VAV2: variants seen among roughly 807,000 people sequenced by gnomAD.
VAV2 encodes guanine nucleotide exchange factor VAV2.
A neutral mutation model predicts 132.5 loss-of-function variants in VAV2; 67 were observed. The observed-to-expected ratio is 0.51, with a 90% CI of 0.42 to 0.62. The LOEUF is 0.62. VAV2 is among the 20% of genes least tolerant of loss of function. VAV2 has a pLI of 0.00. For missense variants in VAV2, 938 were observed against 1,153.6 expected, an observed-to-expected ratio of 0.81 and a Z score of 2.71; for synonymous variants, 492 against 443.5, an observed-to-expected ratio of 1.11 and a Z score of -1.37.
rs747942896 is a variant in VAV2 at position 133,771,998 on chromosome 9, CCA to C, written c.2182_2183del (p.Trp728AspfsTer98). Reference sequence around the variant, plus strand: ...ATTTCTTGGCCTCTGTGATGTGGATCCAGTTGTCCTTCTCCACCACCTTGATG... The same window carrying C: ...ATTTCTTGGCCTCTGTGATGTGGATCGTTGTCCTTCTCCACCACCTTGATG... ...KHIKVVEKDN[W>X]IHITEAKKFD... On this transcript the variant is annotated frameshift_variant, in exon 26 of 30. Coordinates refer to ENST00000371850, the MANE Select transcript of VAV2 (RefSeq NM_001134398.2). LOFTEE classifies it high-confidence loss of function. 1 of 1,577,134 alleles carries C rather than the reference CCA, an allele frequency of 6.3e-7. No homozygotes were observed. The highest frequency in any genetic ancestry group is 8.6e-7 in the Non-Finnish European group (1 of 1,159,040).
At chr9:133,939,072 G>C (rs758550713) in intron 2 of VAV2, 31 bp downstream of exon 2, 2 of 1,604,656 alleles carry the variant, frequency 1.2e-6, no homozygotes, top group Non-Finnish European at 1.7e-6. Context: ...CCACAGCTGA[G>C]CGACCGAGGC....
At chr9:133,770,250 C>CA in intron 27 of VAV2, 128 bp downstream of exon 27, 2 of 1,427,784 alleles carry the variant, frequency 1.4e-6, no homozygotes, top group Non-Finnish European at 1.9e-6. Context: ...GGGGGAGGGG[C>CA]GGGGGCTGTG....
chr9:133,880,877 G>A (rs952869810), intron 2 of VAV2, among the ~76,000 whole-genome samples: 9 of 152,234 alleles, frequency 5.9e-5, no homozygotes, highest in Non-Finnish European at 1.0e-4. Context: ...TTCTGCGGTC[G>A]GCCCTCCAGG....
rs1333284762 is a variant in VAV2, at chr9:133,935,831, G to A, written c.321+3272C>T. On this transcript the variant is annotated intron_variant, in intron 2 of 29. Coordinates refer to ENST00000371850, the MANE Select transcript of VAV2 (RefSeq NM_001134398.2). The surrounding 1 kb of genome is among the most constrained non-coding windows in gnomAD (Gnocchi z 5.2). ...AGGCCAGGCCCACGCTGAAGGGCAAGTGCGGGTTCCGGCTCCATTGCTCCC... is the reference window on the plus strand; with the variant it reads ...AGGCCAGGCCCACGCTGAAGGGCAAATGCGGGTTCCGGCTCCATTGCTCCC... 6.6e-6 allele frequency among the ~76,000 whole-genome samples: 1 copy of A among 152,192 alleles called. No homozygotes were observed. Among genetic ancestry groups the A allele is most frequent in the Non-Finnish European group, 1.5e-5 (1 of 68,014 alleles).
At chr9:133,862,447 C>T (rs1022395435) in intron 2 of VAV2, among the ~76,000 whole-genome samples, 1 of 152,218 alleles carries the variant, frequency 6.6e-6, no homozygotes, top group African/African-American at 2.4e-5. Flanking sequence ...GGTGCGGCCT[C>T]GACATTGAAA....
In VAV2 at chr9:133,812,196, T is replaced by C. The variant is rs769233434; in HGVS notation, c.470A>G (p.Asp157Gly). Residue 157 changes from aspartate (D) to glycine (G), a missense_variant, in exon 5 of 30, where the codon GAC (aspartate) becomes GGC (glycine). By Grantham distance (94) the Asp-to-Gly change is moderately conservative. Coordinates refer to ENST00000371850, the MANE Select transcript of VAV2 (RefSeq NM_001134398.2). ...CTCACACGGGACGCAGTCGTAGATGTCCTCCCCCAGGTCATGCTCGCTGCA... is the reference window on the plus strand; with the variant it reads ...CTCACACGGGACGCAGTCGTAGATGCCCTCCCCCAGGTCATGCTCGCTGCA... ...ELADEHDLGE[D>G]IYDCVPCEDG... The C allele has an allele frequency of 6.2e-7, 1 of 1,613,780 alleles. No individual in the cohort carries two copies. The highest frequency in any genetic ancestry group is 1.1e-5 in the South Asian group (1 of 91,070).
In VAV2 at chr9:133,768,486, T is replaced by C. The variant is rs765980821; in HGVS notation, c.2545A>G (p.Ile849Val). The C allele has an allele frequency of 7.4e-6, 12 of 1,613,854 alleles. No individual in the cohort carries two copies. In the East Asian group the frequency reaches 2.0e-4, roughly 27 times the overall value. Reference sequence around the variant, plus strand: ...TTCCACCAGCCCTGGTCTCCGCCGATGCGGCTGTAGATCCTCACCACGTCA... The same window carrying C: ...TTCCACCAGCCCTGGTCTCCGCCGACGCGGCTGTAGATCCTCACCACGTCA... Reference protein sequence around the residue: ...EGDVVRIYSRIGGDQGWWKGE... With the variant: ...EGDVVRIYSRVGGDQGWWKGE... Residue 849 changes from isoleucine to valine, a missense_variant, in exon 29 of 30, where the codon ATC becomes GTC. Transcript: ENST00000371850. This position sits in a 1 kb window ranked among gnomAD's most constrained non-coding sequence, Gnocchi z 5.3.
chr9:133,964,341 C>T (rs1201762564), intron 1 of VAV2, among the ~76,000 whole-genome samples: 1 of 151,582 alleles, frequency 6.6e-6, no homozygotes, highest in South Asian at 2.1e-4. Context: ...TGTATATACA[C>T]ACACACACAA....
chr9:133,821,735 G>A (rs192620352), intron 4 of VAV2, among the ~76,000 whole-genome samples: 3 of 152,198 alleles, frequency 2.0e-5, no homozygotes, highest in South Asian at 4.1e-4. Flanking sequence ...GTGGGTTTCA[G>A]GGATCATTCT....
intron 2 of VAV2, among the ~76,000 whole-genome samples, chr9:133,933,502 T>C (rs1377881823): frequency 4.3e-5 from 4 of 93,662 alleles, no homozygotes; most frequent in African/African-American, 1.5e-4. Flanking sequence ...GATGGATGGA[T>C]GGTGAATGGA....
Position 133,766,759 on chromosome 9 carries a change from AATATAT to A in VAV2, c.2589+1677_2589+1682del, listed in dbSNP as rs373267933. Among the ~76,000 whole-genome samples the A allele has an allele frequency of 1.2e-3, 135 of 112,114 alleles. 3 individuals are homozygous for A. The highest frequency in any genetic ancestry group is 4.8e-3 in the Admixed American group (54 of 11,168). The allele number at this position is 112,114 out of a possible 152,430, so 73.6% of individuals were successfully genotyped here. A position where few individuals can be genotyped will look rare whatever the true frequency, so the allele number is the denominator to read the frequency against. On this transcript the variant is annotated intron_variant, in intron 29 of 29. Coordinates refer to ENST00000371850, the MANE Select transcript of VAV2 (RefSeq NM_001134398.2). ...TACCCTAGAACTTAAAGTATAAATA[AATATAT>A]ATATATATATATATATATATATCCC...
At chr9:133,871,737 A>G (rs1838064224) in intron 2 of VAV2, among the ~76,000 whole-genome samples, 1 of 152,140 alleles carries the variant, frequency 6.6e-6, no homozygotes. Context: ...TTTGCCACTG[A>G]GAAAACCCAA....
At chr9:133,871,486 ATG>A (rs1413817634) in intron 2 of VAV2, among the ~76,000 whole-genome samples, 1 of 128,722 alleles carries the variant, frequency 7.8e-6, no homozygotes, top group African/African-American at 4.2e-5. Flanking sequence ...GGATGGATGG[ATG>A]GATGGATGGA....
At chr9:133,772,069 C>T (rs547132645) in intron 25 of VAV2, 23 bp from the exon 26 acceptor site, 6 of 1,608,236 alleles carry the variant, frequency 3.7e-6, no homozygotes, top group East Asian at 2.2e-5. Flanking sequence ...ACGGCCCCGG[C>T]GGTCACCGCG....
At position 133,781,104 on chromosome 9, in the gene VAV2, G is replaced by A. The variant is rs772326877; in HGVS notation, c.1724-394C>T. Among the ~76,000 whole-genome samples the A allele has an allele frequency of 7.0e-5, 9 of 127,882 alleles. No individual in the cohort carries two copies. The South Asian group carries it at 1.6e-3, about 22-fold the overall frequency. 83.9% of individuals were successfully genotyped at this position (127,882 alleles called of 152,430 possible). On this transcript the variant is annotated intron_variant, in intron 19 of 29. Coordinates refer to ENST00000371850, the MANE Select transcript of VAV2 (RefSeq NM_001134398.2). ...CGCTTAGTGATGCCTGCTGGGGCAC[G>A]TGATGAGGAAGCATTGGTATGCATG... is the stretch of plus-strand genomic sequence containing the variant.
chr9:133,834,858 A>G lies in VAV2; in HGVS notation c.381-518T>C, dbSNP rs1836403035. ...GGCTCACCCACGCCACCCACCAGCC[A>G]CTGGCTTGAGGTCAGGAAGAGAGTC... On this transcript the variant is annotated intron_variant, in intron 3 of 29. Coordinates refer to ENST00000371850, the MANE Select transcript of VAV2 (RefSeq NM_001134398.2). This position sits in a 1 kb window ranked among gnomAD's most constrained non-coding sequence, Gnocchi z 5.9. Among the ~76,000 whole-genome samples, 1 of 152,116 alleles carries G rather than the reference A, an allele frequency of 6.6e-6. No individual in the cohort carries two copies. The highest frequency in any genetic ancestry group is 2.4e-5 in the African/African-American group (1 of 41,412).
chr9:133,818,422 C>T (rs566028056), intron 4 of VAV2, among the ~76,000 whole-genome samples: 2 of 152,146 alleles, frequency 1.3e-5, no homozygotes, highest in African/African-American at 4.8e-5. Flanking sequence ...GAGACATCCA[C>T]CGTCTCCTGC....
intron 2 of VAV2, among the ~76,000 whole-genome samples, chr9:133,924,908 G>A (rs775629753): frequency 3.3e-5 from 5 of 152,254 alleles, no homozygotes; most frequent in African/African-American, 7.2e-5. Context: ...ACCCACTGGC[G>A]GCTTCCACAG....
At chr9:133,892,977 C>T (rs867110557) in intron 2 of VAV2, among the ~76,000 whole-genome samples, 12 of 152,286 alleles carry the variant, frequency 7.9e-5, no homozygotes, top group Middle Eastern at 6.8e-3. Context: ...AAAGTGAGAC[C>T]AGGAACACCA....
Sources: allele counts gnomAD v4.1 joint callset (sites outside exome capture counted in the v4.1 genomes callset), GRCh38; gene constraint gnomAD v4.1.1; non-coding constraint Gnocchi (gnomAD v3.1); transcripts MANE v1.5; gene names NCBI Gene and HGNC (gene_info 2026-07-23, HGNC 2026-07-21).